PIAS1: variants seen among roughly 807,000 people sequenced by gnomAD.
PIAS1 encodes the protein protein inhibitor of activated STAT 1, also known as E3 SUMO-protein ligase PIAS1.
Under a neutral mutation model 71.3 loss-of-function variants are expected in PIAS1, and 6 were observed. That is an observed-to-expected ratio of 0.08 (90% CI 0.05 to 0.17). PIAS1 has a LOEUF of 0.17. Among genes scored for constraint, PIAS1 ranks in the 10% least tolerant of loss-of-function variants. PIAS1 has a pLI of 1.00. For synonymous variants in PIAS1, 303 were observed against 292.9 expected (o/e 1.03, Z -0.35); for missense variants, 555 against 793.6 (o/e 0.70, Z 3.61).
chr15:68,166,963 C>A (rs1311860826), intron 8 of PIAS1, among the ~76,000 whole-genome samples: 2 of 152,134 alleles, frequency 1.3e-5, no homozygotes, highest in Admixed American at 6.5e-5. Context: ...GTAGCTGGGA[C>A]TACCGGCATG....
chr15:68,188,486 T>G lies in PIAS1; in HGVS notation c.*651T>G, dbSNP rs969079779. ...TCACTGTTCCCTCTCCTCCCGAGTG[T>G]GCATTCAGTTAATATAATCAGTTGC... On this transcript the variant is annotated 3_prime_UTR_variant, in exon 14 of 14. Coordinates refer to ENST00000249636, the MANE Select transcript of PIAS1 (RefSeq NM_016166.3). 6.6e-6 allele frequency: 1 copy of G among 152,360 alleles called. No homozygotes were observed. Among genetic ancestry groups the G allele is most frequent in the Non-Finnish European group, 1.5e-5 (1 of 68,134 alleles). The allele number at this position is 152,360 out of a possible 1,614,324, so 9.4% of individuals were successfully genotyped here. A position where few individuals can be genotyped will look rare whatever the true frequency, so the allele number is the denominator to read the frequency against.
intron 2 of PIAS1, among the ~76,000 whole-genome samples, chr15:68,097,756 C>G (rs572786411): frequency 2.6e-5 from 4 of 152,122 alleles, no homozygotes; most frequent in African/African-American, 9.6e-5. Context: ...TTATTAAATG[C>G]TTTTTCAACA....
At chr15:68,179,173 A>G (rs945151522) in intron 11 of PIAS1, among the ~76,000 whole-genome samples, 3 of 152,256 alleles carry the variant, frequency 2.0e-5, no homozygotes, top group African/African-American at 7.2e-5. Context: ...TAAAGGTTGA[A>G]ATGCATTTCA....
At chr15:68,126,781 C>T (rs1422521828) in intron 2 of PIAS1, among the ~76,000 whole-genome samples, 1 of 150,576 alleles carries the variant, frequency 6.6e-6, no homozygotes, top group African/African-American at 2.4e-5. Context: ...TTTTCGGAGC[C>T]TTTGGAAATT....
At chr15:68,075,514 G>T (rs547231842) in intron 1 of PIAS1, among the ~76,000 whole-genome samples, 1 of 152,128 alleles carries the variant, frequency 6.6e-6, no homozygotes, top group Admixed American at 6.5e-5. Flanking sequence ...TGTAAGTTTT[G>T]TGGAAAGTTA....
chr15:68,103,333 T>G, intron 2 of PIAS1, among the ~76,000 whole-genome samples: 1 of 100 alleles, frequency 0.01, no homozygotes, highest in African/African-American at 0.021. Context: ...ATTATTATCC[T>G]TTTTTTTTTT....
At chr15:68,135,108 C>A (rs1319864420) in intron 2 of PIAS1, among the ~76,000 whole-genome samples, 13 of 50,338 alleles carry the variant, frequency 2.6e-4, no homozygotes, top group African/African-American at 5.4e-4. Flanking sequence ...GACCCCCCCA[C>A]CTCCCTCCCG....
intron 2 of PIAS1, among the ~76,000 whole-genome samples, chr15:68,104,069 G>A (rs528317290): frequency 5.9e-5 from 9 of 152,210 alleles, no homozygotes; most frequent in South Asian, 2.1e-4. Flanking sequence ...ATGAGGATTC[G>A]CATTTCTCTC....
intron 2 of PIAS1, among the ~76,000 whole-genome samples, chr15:68,131,937 T>C (rs1174938015): frequency 1.3e-5 from 2 of 149,606 alleles, no homozygotes; most frequent in Non-Finnish European, 3.0e-5. Flanking sequence ...GCGTGGTGGC[T>C]CATACCTGTA....
At chr15:68,181,109 C>T in intron 11 of PIAS1, 103 bp from the exon 12 acceptor site, 2 of 875,582 alleles carry the variant, frequency 2.3e-6, no homozygotes, top group Non-Finnish European at 3.6e-6. Context: ...TTCTTATTTC[C>T]AGCACTAAAC....
intron 1 of PIAS1, chr15:68,055,880 C>A (rs990991260): frequency 4.3e-6 from 3 of 700,162 alleles, no homozygotes; most frequent in Admixed American, 2.0e-5. Context: ...CTAATAACTT[C>A]ACAATGTTTA....
At chr15:68,111,529 A>G (rs929927930) in intron 2 of PIAS1, among the ~76,000 whole-genome samples, 15 of 152,218 alleles carry the variant, frequency 9.9e-5, no homozygotes, top group Admixed American at 8.5e-4. Flanking sequence ...GTTCAGGAGT[A>G]CCTAATTGGC....
intron 2 of PIAS1, among the ~76,000 whole-genome samples, chr15:68,117,605 C>G (rs986941656): frequency 2.6e-5 from 4 of 152,144 alleles, no homozygotes; most frequent in Admixed American, 2.6e-4. Context: ...TGGATGAAAT[C>G]GTGAGATATT....
At chr15:68,069,419 A>T (rs904843926) in intron 1 of PIAS1, among the ~76,000 whole-genome samples, 9 of 152,148 alleles carry the variant, frequency 5.9e-5, no homozygotes, top group African/African-American at 2.2e-4. Context: ...CATTCTATCA[A>T]TAAAAATGAG....
intron 8 of PIAS1, among the ~76,000 whole-genome samples, chr15:68,169,194 G>A (rs568162993): frequency 1.7e-4 from 26 of 152,256 alleles, no homozygotes; most frequent in South Asian, 1.0e-3. Context: ...ATAGGAATTT[G>A]TATTTCATAG....
At chr15:68,145,946 A>C in intron 5 of PIAS1, 40 bp downstream of exon 5, 1 of 1,111,378 alleles carries the variant, frequency 9.0e-7, no homozygotes, top group Non-Finnish European at 1.4e-6. Context: ...CATTGCCAAC[A>C]TAACTATCAA....
rs747259609 is a variant in PIAS1 at position 68,153,778 on chromosome 15, A to G, written c.934+83A>G. On this transcript the variant is annotated intron_variant, in intron 7 of 13. Transcript: ENST00000249636. The stretch of plus-strand genomic sequence containing the variant: ...ATTTTCTCAACTCAAGAAATTTTAG[A>G]ATTTGTTTATTCACTGGAGCCTGTT... 8 of 723,484 alleles carry G rather than the reference A, an allele frequency of 1.1e-5. No individual in the cohort carries two copies. The South Asian group carries it at 1.3e-4, about 12-fold the overall frequency. 44.8% of individuals were successfully genotyped at this position (723,484 alleles called of 1,614,324 possible).
At chr15:68,059,214 G>A (rs8038049) in intron 1 of PIAS1, among the ~76,000 whole-genome samples, 4,977 of 151,614 alleles carry the variant, frequency 0.033, 200 homozygotes, top group African/African-American at 0.093. Context: ...TCACCGTGTT[G>A]GTCAGGATGG....
intron 1 of PIAS1, among the ~76,000 whole-genome samples, chr15:68,082,622 A>G (rs2140978218): frequency 6.6e-6 from 1 of 152,270 alleles, no homozygotes; most frequent in South Asian, 2.1e-4. Context: ...AGCCATAGTA[A>G]TAATGTAAGT....
Sources: gnomAD v4.1 joint callset for allele counts (sites outside exome capture counted in the v4.1 genomes callset) on GRCh38, gnomAD v4.1.1 for gene constraint, MANE v1.5 for transcripts, NCBI Gene and HGNC (gene_info 2026-07-23, HGNC 2026-07-21) for gene names.